Variants in JTB observed in about 807,000 individuals in gnomAD.
JTB encodes the protein jumping translocation breakpoint, also known as protein JTB.
Under a neutral mutation model 22.1 loss-of-function variants are expected in JTB, and 10 were observed. The ratio of observed to expected loss-of-function variants is 0.45; its 90% confidence interval spans 0.28 to 0.77. The LOEUF (loss-of-function observed/expected upper bound fraction) is 0.77, where lower values mean the gene tolerates loss of function less well. Among genes scored for constraint, JTB ranks in the 30% least tolerant of loss-of-function variants. JTB has a pLI of 0.13. For synonymous variants in JTB, 83 were observed against 66.8 expected, an observed-to-expected ratio of 1.24 and a Z score of -1.18; for missense variants, 137 against 180.3, an observed-to-expected ratio of 0.76 and a Z score of 1.38.
At chr1:153,976,551 G>A (rs940812411) in intron 3 of JTB, 142 bp downstream of exon 3, 1 of 697,644 alleles carries the variant, frequency 1.4e-6, no homozygotes, top group Admixed American at 2.6e-5. Context: ...GACAAGTACA[G>A]ATTTGGACAT....
At chr1:153,974,978 T>C in intron 4 of JTB, 143 bp from the exon 5 acceptor site, 2 of 711,848 alleles carry the variant, frequency 2.8e-6, no homozygotes, top group Non-Finnish European at 4.3e-6. Flanking sequence ...CATAAATCCC[T>C]CTCAAATAGA....
Position 153,977,001 on chromosome 1 carries a change from A to G in JTB, c.96T>C (p.Ala32=). 1.2e-6 allele frequency: 2 copies of G among 1,614,128 alleles called. No individual in the cohort carries two copies. Among genetic ancestry groups the G allele is most frequent in the South Asian group, 2.2e-5 (2 of 91,082 alleles). The change falls in exon 2 of 5, where the codon GCT becomes GCC. Residue 32 remains alanine, a synonymous_variant. Coordinates refer to ENST00000271843, the MANE Select transcript of JTB (RefSeq NM_006694.4). The part of the protein sequence containing the change: ...AFTLKLCQAE[A]PVQEEKLSAS... ...CTGACAGCTTCTCTTCCTGCACGGGAGCCTCTGCTTGGCTGTAGCGGAGTT... is the reference window on the plus strand; with the variant it reads ...CTGACAGCTTCTCTTCCTGCACGGGGGCCTCTGCTTGGCTGTAGCGGAGTT...
chr1:153,975,044 A>G (rs1648738135), intron 4 of JTB, among the ~76,000 whole-genome samples: 1 of 152,210 alleles, frequency 6.6e-6, no homozygotes, highest in Non-Finnish European at 1.5e-5. Flanking sequence ...TTTACTGATG[A>G]GAAAATATGG....
At position 153,977,525 on chromosome 1, in the gene JTB, G is replaced by A. The variant is rs1363106963; in HGVS notation, c.-273C>T. ...GGAGGAAGGGCCGGCGGGGGCTCGC[G>A]GCCCTAGCGCCCGCTCACCTCCGCT... On this transcript the variant is annotated 5_prime_UTR_variant, in exon 1 of 5. Coordinates refer to ENST00000271843, the MANE Select transcript of JTB (RefSeq NM_006694.4). 2.6e-6 allele frequency: 3 copies of A among 1,166,740 alleles called. No individual in the cohort carries two copies. The highest frequency in any genetic ancestry group is 3.2e-6 in the Non-Finnish European group (3 of 941,452). The allele number at this position is 1,166,740 out of a possible 1,614,324, so 72.3% of individuals were successfully genotyped here.
chr1:153,976,766 G>A lies in JTB; in HGVS notation c.131C>T (p.Ser44Leu). ...VQEEKLSAST[S>L]NLPCWLVEEF... The stretch of plus-strand genomic sequence containing the variant: ...TTCCACCAGCCAGCATGGCAAATTT[G>A]AGGTGCTTGCTGAAAGGAAAGATAA... The change falls in exon 3 of 5, where the codon TCA becomes TTA. Residue 44 changes from serine to leucine, a missense_variant. By Grantham distance (145) the Ser-to-Leu change is moderately radical (BLOSUM62 -2). Transcript: ENST00000271843. 1 of 1,614,124 alleles carries A rather than the reference G, an allele frequency of 6.2e-7. No individual in the cohort carries two copies. The highest frequency in any genetic ancestry group is 8.5e-7 in the Non-Finnish European group (1 of 1,179,996).
chr1:153,975,894 A>G lies in JTB; in HGVS notation c.216T>C (p.Pro72=), dbSNP rs2102183722. ...CTACATATCCTGTGGGACCACACTC[A>G]GGGGTAGTTTTCTGCCAGGAGAAAA... ...PCSNFRAKTT[P]ECGPTGYVEK... The change falls in exon 4 of 5, where the codon CCT becomes CCC. Residue 72 remains proline, a synonymous_variant. Coordinates refer to ENST00000271843, the MANE Select transcript of JTB (RefSeq NM_006694.4). 5 of 1,613,904 alleles carry G rather than the reference A, an allele frequency of 3.1e-6. No individual in the cohort carries two copies. Among genetic ancestry groups the G allele is most frequent in the Non-Finnish European group, 3.4e-6 (4 of 1,179,788 alleles).
Position 153,976,774 on chromosome 1 carries a change from T to C in JTB, c.123A>G (p.Ala41=). ...EAPVQEEKLS[A]STSNLPCWLV... is the part of the protein sequence containing the mutation. ...GCCAGCATGGCAAATTTGAGGTGCTTGCTGAAAGGAAAGATAAATGCCAGC... is the reference window on the plus strand; with the variant it reads ...GCCAGCATGGCAAATTTGAGGTGCTCGCTGAAAGGAAAGATAAATGCCAGC... Residue 41 remains alanine, a splice_region_variant and synonymous_variant, in exon 3 of 5, where the codon GCA becomes GCG. Transcript: ENST00000271843. 6.2e-7 allele frequency: 1 copy of C among 1,614,120 alleles called. No individual in the cohort carries two copies. The highest frequency in any genetic ancestry group is 8.5e-7 in the Non-Finnish European group (1 of 1,179,980).
chr1:153,977,329 C>CT lies in JTB; in HGVS notation c.-78_-77insA, dbSNP rs1648831251. The CT allele has an allele frequency of 6.3e-7, 1 of 1,575,900 alleles. No individual in the cohort carries two copies. Among genetic ancestry groups the CT allele is most frequent in the Non-Finnish European group, 8.6e-7 (1 of 1,163,028 alleles). Reference sequence around the variant, plus strand: ...TCGTGCCTCCGTCGGAGCGCAGAGGCGGCACTTACTCTGCAGCCCTCCCAG... The same window carrying CT: ...TCGTGCCTCCGTCGGAGCGCAGAGGCTGGCACTTACTCTGCAGCCCTCCCAG... On this transcript the variant is annotated 5_prime_UTR_variant, in exon 1 of 5. Coordinates refer to ENST00000271843, the MANE Select transcript of JTB (RefSeq NM_006694.4).
rs958416015 is a variant in JTB at position 153,974,846 on chromosome 1, G to T, written c.285-11C>A. On this transcript the variant is annotated splice_polypyrimidine_tract_variant and intron_variant, in intron 4 of 4. Transcript: ENST00000271843. ...AAAGCTGAGCGGCAGCTGAGGGCAG[G>T]AAGGAATAGTTATTCCCAAGGAAGG... The T allele has an allele frequency of 2.5e-6, 4 of 1,597,828 alleles. No homozygotes were observed. Among genetic ancestry groups the T allele is most frequent in the Non-Finnish European group, 3.4e-6 (4 of 1,166,730 alleles).
At position 153,974,472 on chromosome 1, in the gene JTB, C is replaced by T; in HGVS notation, c.*207G>A. The T allele has an allele frequency of 2.2e-6, 1 of 457,468 alleles. No homozygotes were observed. The highest frequency in any genetic ancestry group is 3.5e-5 in the Admixed American group (1 of 28,880). The allele number at this position is 457,468 out of a possible 1,614,324, so 28.3% of individuals were successfully genotyped here. A position where few individuals can be genotyped will look rare whatever the true frequency, so the allele number is the denominator to read the frequency against. On this transcript the variant is annotated 3_prime_UTR_variant, in exon 5 of 5. Transcript: ENST00000271843. ...AGTAACCACCTCCTTTCCCTCTCTG[C>T]CCCCATGACTTCCTGCTCCAAGTTA...
intron 3 of JTB, 87 bp downstream of exon 3, chr1:153,976,606 A>G: frequency 9.3e-7 from 1 of 1,070,954 alleles, no homozygotes; most frequent in Non-Finnish European, 1.4e-6. Context: ...ATGCAAAGGC[A>G]GCTTAATAAG....
At position 153,977,653 on chromosome 1, in the gene JTB, G is replaced by A. The variant is rs1387554510; in HGVS notation, c.-401C>T. On this transcript the variant is annotated 5_prime_UTR_variant, in exon 1 of 5. Transcript: ENST00000271843. ...GGGCGTTCGGTCGTCGCCCGCTGGG[G>A]CTTATAGTCTTCCGCGTCGGTGGCG... 3.0e-6 allele frequency: 3 copies of A among 996,230 alleles called. No individual in the cohort carries two copies. The South Asian group carries it at 1.3e-4, about 44-fold the overall frequency. 61.7% of individuals were successfully genotyped at this position (996,230 alleles called of 1,614,324 possible). A position where few individuals can be genotyped will look rare whatever the true frequency, so the allele number is the denominator to read the frequency against.
chr1:153,974,869 A>T, intron 4 of JTB, 34 bp from the exon 5 acceptor site: 1 of 1,584,358 alleles, frequency 6.3e-7, no homozygotes, highest in Non-Finnish European at 8.6e-7. Flanking sequence ...TTCCCAAGGA[A>T]GGCCAGACAG....
At chr1:153,975,968 G>A (rs1648782512) in intron 3 of JTB, 63 bp from the exon 4 acceptor site, 3 of 1,241,310 alleles carry the variant, frequency 2.4e-6, no homozygotes, top group Non-Finnish European at 3.6e-6. Context: ...CAAAAAGGCT[G>A]CCATTCAGAA....
In JTB at chr1:153,977,223, G is replaced by T; in HGVS notation, c.30C>A (p.Leu10=). The T allele has an allele frequency of 6.2e-7, 1 of 1,614,150 alleles. No homozygotes were observed. Among genetic ancestry groups the T allele is most frequent in the Non-Finnish European group, 8.5e-7 (1 of 1,180,024 alleles). Reference sequence around the variant, plus strand: ...ACCAGCAGAGGTGGCGGCCCTGGGGGAGGCCAGGCCTCCCGGCACCCGCAA... The same window carrying T: ...ACCAGCAGAGGTGGCGGCCCTGGGGTAGGCCAGGCCTCCCGGCACCCGCAA... MLAGAGRPG[L]PQGRHLCWLL... Residue 10 remains leucine (L), a synonymous_variant, in exon 1 of 5, where the codon CTC becomes CTA. Coordinates refer to ENST00000271843, the MANE Select transcript of JTB (RefSeq NM_006694.4).
In JTB at chr1:153,975,911, A is replaced by C. The variant is rs777456448; in HGVS notation, c.205-6T>G. 2 of 1,605,614 alleles carry C rather than the reference A, an allele frequency of 1.2e-6. No homozygotes were observed. The highest frequency in any genetic ancestry group is 2.2e-5 in the South Asian group (2 of 90,880). On this transcript the variant is annotated splice_region_variant and splice_polypyrimidine_tract_variant and intron_variant, in intron 3 of 4. Transcript: ENST00000271843. ...CCACACTCAGGGGTAGTTTTCTGCC[A>C]GGAGAAAAGGAGCAAAGTACATGTT... is the stretch of plus-strand genomic sequence containing the variant.
Position 153,974,514 on chromosome 1 carries a change from C to G in JTB, c.*165G>C. On this transcript the variant is annotated 3_prime_UTR_variant, in exon 5 of 5. Transcript: ENST00000271843. ...TCCAAGTTACAGAAGGGAAGGAAACCATTTTACTCTTTTTATTCTGCTCAT... is the reference window on the plus strand; with the variant it reads ...TCCAAGTTACAGAAGGGAAGGAAACGATTTTACTCTTTTTATTCTGCTCAT... The G allele has an allele frequency of 1.8e-6, 1 of 556,184 alleles. No individual in the cohort carries two copies. Among genetic ancestry groups the G allele is most frequent in the Non-Finnish European group, 3.0e-6 (1 of 329,736 alleles). The allele number at this position is 556,184 out of a possible 1,614,324, so 34.5% of individuals were successfully genotyped here. A position where few individuals can be genotyped will look rare whatever the true frequency, so the allele number is the denominator to read the frequency against.
At position 153,974,578 on chromosome 1, in the gene JTB, C is replaced by T. The variant is rs1648711844; in HGVS notation, c.*101G>A. On this transcript the variant is annotated 3_prime_UTR_variant, in exon 5 of 5. Coordinates refer to ENST00000271843, the MANE Select transcript of JTB (RefSeq NM_006694.4). ...GAAGAAGATGGGGAAAAGGGGATTC[C>T]ACCACAAGGCTCCAAAGAACCAAGA... 3 of 962,844 alleles carry T rather than the reference C, an allele frequency of 3.1e-6. No individual in the cohort carries two copies. Among genetic ancestry groups the T allele is most frequent in the Non-Finnish European group, 4.7e-6 (3 of 642,738 alleles). The allele number at this position is 962,844 out of a possible 1,614,324, so 59.6% of individuals were successfully genotyped here.
In JTB at chr1:153,977,388, G is replaced by C. The variant is rs2102185316; in HGVS notation, c.-136C>G. 4 of 1,445,828 alleles carry C rather than the reference G, an allele frequency of 2.8e-6. No individual in the cohort carries two copies. The East Asian group carries it at 7.5e-5, about 27-fold the overall frequency. The allele number at this position is 1,445,828 out of a possible 1,614,324, so 89.6% of individuals were successfully genotyped here. On this transcript the variant is annotated 5_prime_UTR_variant, in exon 1 of 5. Transcript: ENST00000271843. ...GGTCAGGGCAGGGAAGGCCGGAGTT[G>C]CCTATTGGAGCAGAGGATCTATCAG...
Sources: gnomAD v4.1 joint callset for allele counts (sites outside exome capture counted in the v4.1 genomes callset) on GRCh38, gnomAD v4.1.1 for gene constraint, MANE v1.5 for transcripts, NCBI Gene and HGNC (gene_info 2026-07-23, HGNC 2026-07-21) for gene names.